LRRTM4: variants seen among roughly 807,000 people sequenced by gnomAD.
LRRTM4 encodes the protein leucine rich repeat transmembrane neuronal 4.
Under a neutral mutation model 47.6 loss-of-function variants are expected in LRRTM4, and 25 were observed. That is an observed-to-expected ratio of 0.53 (90% CI 0.38 to 0.73). LRRTM4 has a LOEUF of 0.73. Ranked by LOEUF, LRRTM4 falls within the 30% of genes least tolerant of loss-of-function variation. LRRTM4 has a pLI of 0.00. For missense variants in LRRTM4, 638 were observed against 713.4 expected, an observed-to-expected ratio of 0.89 and a Z score of 1.20; for synonymous variants, 311 against 269.5, an observed-to-expected ratio of 1.15 and a Z score of -1.51.
At chr2:77,179,342 TA>T (rs1318677844) in intron 3 of LRRTM4, among the ~76,000 whole-genome samples, 1 of 152,092 alleles carries the variant, frequency 6.6e-6, no homozygotes, top group African/African-American at 2.4e-5. Context: ...TAACAGTAAG[TA>T]AAAAAAGTCA....
At chr2:76,816,245 A>G (rs929471246) in intron 3 of LRRTM4, among the ~76,000 whole-genome samples, 2 of 152,004 alleles carry the variant, frequency 1.3e-5, no homozygotes, top group African/African-American at 4.8e-5. Context: ...CCATTAGAAG[A>G]CCCTGTCTCA....
At chr2:77,127,611 C>T (rs1178940076) in intron 3 of LRRTM4, among the ~76,000 whole-genome samples, 3 of 152,140 alleles carry the variant, frequency 2.0e-5, no homozygotes, top group African/African-American at 7.2e-5. Context: ...TCTTCTCTCT[C>T]TCTCCCTCTA....
intron 3 of LRRTM4, among the ~76,000 whole-genome samples, chr2:76,804,786 A>G (rs1448372442): frequency 3.3e-5 from 5 of 150,034 alleles, no homozygotes; most frequent in Non-Finnish European, 1.5e-5. Flanking sequence ...TGTTTTATAT[A>G]TATATCATTG....
At chr2:77,278,005 CCAG>C (rs2104091151) in intron 3 of LRRTM4, among the ~76,000 whole-genome samples, 1 of 151,928 alleles carries the variant, frequency 6.6e-6, no homozygotes, top group Admixed American at 6.6e-5. Flanking sequence ...TTTCTTTCCC[CCAG>C]AAGAACTGCT....
chr2:76,993,490 A>G (rs1336446639), intron 3 of LRRTM4, among the ~76,000 whole-genome samples: 1 of 152,042 alleles, frequency 6.6e-6, no homozygotes, highest in Non-Finnish European at 1.5e-5. Context: ...CATTTGGCTT[A>G]CAAACATATG....
At chr2:77,322,515 T>C (rs1677825491) in intron 3 of LRRTM4, among the ~76,000 whole-genome samples, 1 of 151,980 alleles carries the variant, frequency 6.6e-6, no homozygotes, top group Non-Finnish European at 1.5e-5. Flanking sequence ...TTCCTAAGTG[T>C]TAGAACATTT....
At chr2:77,027,280 T>A (rs994239958) in intron 3 of LRRTM4, among the ~76,000 whole-genome samples, 1 of 152,166 alleles carries the variant, frequency 6.6e-6, no homozygotes, top group African/African-American at 2.4e-5. Context: ...GATGCTTTAA[T>A]CTGAGGATTA....
At chr2:77,146,879 A>T (rs1024674475) in intron 3 of LRRTM4, among the ~76,000 whole-genome samples, 1 of 152,180 alleles carries the variant, frequency 6.6e-6, no homozygotes, top group South Asian at 2.1e-4. Flanking sequence ...CTTATCAAAA[A>T]TTACTTGAGT....
At chr2:76,966,010 T>C (rs940019193) in intron 3 of LRRTM4, among the ~76,000 whole-genome samples, 6 of 151,468 alleles carry the variant, frequency 4.0e-5, no homozygotes, top group South Asian at 2.1e-4. Flanking sequence ...ACATCTACTC[T>C]GGTGGCAAGA....
chr2:77,140,356 TA>T (rs1672085924), intron 3 of LRRTM4, among the ~76,000 whole-genome samples: 1 of 151,908 alleles, frequency 6.6e-6, no homozygotes, highest in Non-Finnish European at 1.5e-5. Flanking sequence ...ACAAACCTGA[TA>T]AAAACAAGGA....
intron 3 of LRRTM4, among the ~76,000 whole-genome samples, chr2:77,367,501 A>C (rs1365558830): frequency 6.6e-6 from 1 of 151,808 alleles, no homozygotes; most frequent in African/African-American, 2.4e-5. Flanking sequence ...ATAGGTAATT[A>C]CTATTATTCC....
chr2:77,307,940 G>T (rs1448882738), intron 3 of LRRTM4, among the ~76,000 whole-genome samples: 2 of 99,560 alleles, frequency 2.0e-5, no homozygotes, highest in African/African-American at 4.4e-5. Context: ...ATATATTATA[G>T]AAATATAAAT....
chr2:77,242,103 G>T (rs1014707561), intron 3 of LRRTM4, among the ~76,000 whole-genome samples: 35 of 152,046 alleles, frequency 2.3e-4, no homozygotes, highest in African/African-American at 8.5e-4. Flanking sequence ...TCCTTTTAAA[G>T]ATTATTTGGT....
chr2:77,151,597 T>C (rs1672432923), intron 3 of LRRTM4, among the ~76,000 whole-genome samples: 1 of 152,180 alleles, frequency 6.6e-6, no homozygotes, highest in African/African-American at 2.4e-5. Flanking sequence ...TTATTCAGCC[T>C]TAAAGAGGAA....
chr2:76,823,655 C>T (rs903765024), intron 3 of LRRTM4, among the ~76,000 whole-genome samples: 21 of 151,160 alleles, frequency 1.4e-4, no homozygotes, highest in Admixed American at 6.6e-4. Flanking sequence ...AGTGTTCTTC[C>T]GTTCATTGAG....
chr2:76,901,091 G>T (rs1396423682), intron 3 of LRRTM4, among the ~76,000 whole-genome samples: 1 of 151,996 alleles, frequency 6.6e-6, no homozygotes, highest in Non-Finnish European at 1.5e-5. Context: ...GGATGCGCAG[G>T]TTTGTTACAT....
intron 3 of LRRTM4, among the ~76,000 whole-genome samples, chr2:77,425,195 G>C (rs1573396010): frequency 6.6e-6 from 1 of 152,076 alleles, no homozygotes; most frequent in Non-Finnish European, 1.5e-5. Context: ...TGAAAATTAA[G>C]GACCAAGTTA....
At chr2:77,210,685 T>C (rs901596208) in intron 3 of LRRTM4, among the ~76,000 whole-genome samples, 1 of 152,180 alleles carries the variant, frequency 6.6e-6, no homozygotes, top group Admixed American at 6.6e-5. Flanking sequence ...GTGTGCCATT[T>C]TTCCCACTGC....
chr2:77,163,172 G>A (rs1672780662), intron 3 of LRRTM4, among the ~76,000 whole-genome samples: 1 of 152,118 alleles, frequency 6.6e-6, no homozygotes, highest in Non-Finnish European at 1.5e-5. Context: ...CGAGAACTAT[G>A]TGACACATGC....
Sources: allele counts gnomAD v4.1 joint callset (sites outside exome capture counted in the v4.1 genomes callset), GRCh38; gene constraint gnomAD v4.1.1; transcripts MANE v1.5; gene names NCBI Gene and HGNC (gene_info 2026-07-23, HGNC 2026-07-21).